The following SLC4A2 variants were observed in gnomAD, a reference collection of about 807,000 sequenced individuals.
SLC4A2 encodes anion exchange protein 2.
A neutral mutation model predicts 115.0 loss-of-function variants in SLC4A2; 36 were observed. The ratio of observed to expected loss-of-function variants is 0.31; its 90% CI spans 0.24 to 0.41. SLC4A2 has a LOEUF of 0.41. Among genes scored for constraint, SLC4A2 ranks in the 10% least tolerant of loss-of-function variants. The probability of loss-of-function intolerance (pLI) is 1.00; values close to 1 mark genes in which losing one functional copy is unlikely to be tolerated. For missense variants in SLC4A2, 1,252 were observed against 1,705.6 expected, an observed-to-expected ratio of 0.73 and a Z score of 4.68; for synonymous variants, 708 against 708.3, an observed-to-expected ratio of 1.00 and a Z score of 0.01.
intron 2 of SLC4A2, chr7:151,062,765 G>C (rs1797095450): frequency 7.3e-7 from 1 of 1,377,962 alleles, no homozygotes; most frequent in Non-Finnish European, 9.4e-7. Context: ...AGTGGGGCTG[G>C]GCGCTTAGGG....
At chr7:151,063,083 T>G in intron 2 of SLC4A2, 1 of 1,515,740 alleles carries the variant, frequency 6.6e-7, no homozygotes, top group East Asian at 2.6e-5. Flanking sequence ...GGACCAAGGC[T>G]GCCTGGCCAG....
intron 1 of SLC4A2, chr7:151,061,112 G>T (rs1023155995): frequency 5.3e-5 from 8 of 152,142 alleles, no homozygotes; most frequent in African/African-American, 1.9e-4. Flanking sequence ...AGATTTTCCT[G>T]GCTCCAGGCT....
Position 151,071,780 on chromosome 7 carries a change from C to T in SLC4A2, c.2283C>T (p.Pro761=), listed in dbSNP as rs1797449654. 1.9e-6 allele frequency: 3 copies of T among 1,611,996 alleles called. No individual in the cohort carries two copies. The highest frequency in any genetic ancestry group is 2.7e-5 in the African/African-American group (2 of 74,718). Residue 761 remains proline, a synonymous_variant, in exon 15 of 23, where the codon CCC becomes CCT. Transcript: ENST00000413384. This position sits in a 1 kb window ranked among gnomAD's most constrained non-coding sequence, Gnocchi z 5.5. The part of the protein sequence containing the change: ...GVVFCLLGAQ[P]LLVIGFSGPL... The stretch of plus-strand genomic sequence containing the variant: ...TCTTCTGCCTGCTGGGTGCCCAGCC[C>T]CTGTTGGTGATCGGCTTCTCAGGGC...
rs778711071 is a variant in SLC4A2, at chr7:151,071,853, G to C, written c.2340+16G>C. ...CTTCTTCTCGGTGAGGGCTCTTCTC[G>C]CCCATCTCCAGCCGCCCCTCCCGTG... On this transcript the variant is annotated intron_variant, in intron 15 of 22. Transcript: ENST00000413384. The surrounding 1 kb of genome is among the most constrained non-coding windows in gnomAD (Gnocchi z 5.5). 1 of 1,600,190 alleles carries C rather than the reference G, an allele frequency of 6.2e-7. No homozygotes were observed. Among genetic ancestry groups the C allele is most frequent in the African/African-American group, 1.3e-5 (1 of 74,120 alleles).
Position 151,062,876 on chromosome 7 carries a change from C to G in SLC4A2, c.51+838C>G, listed in dbSNP as rs137879649. 5.5e-5 allele frequency: 76 copies of G among 1,390,324 alleles called. No homozygotes were observed. The African/African-American group carries it at 8.9e-4, about 16-fold the overall frequency. 86.1% of individuals were successfully genotyped at this position (1,390,324 alleles called of 1,614,324 possible). ...CGGTGTTCTGCCAGTCCCAGCTGCTCCAGTCCCCACCTCGCCCCTAAGACC... is the reference window on the plus strand; with the variant it reads ...CGGTGTTCTGCCAGTCCCAGCTGCTGCAGTCCCCACCTCGCCCCTAAGACC... On this transcript the variant is annotated intron_variant, in intron 2 of 22. Coordinates refer to ENST00000413384, the MANE Select transcript of SLC4A2 (RefSeq NM_003040.4).
At chr7:151,073,167 G>A (rs188128778) in intron 16 of SLC4A2, among the ~76,000 whole-genome samples, 103 of 152,206 alleles carry the variant, frequency 6.8e-4, no homozygotes, top group East Asian at 5.2e-3. Context: ...GGCTTGTCTG[G>A]AACTCTCCTG....
chr7:151,070,953 A>G, intron 12 of SLC4A2, 42 bp downstream of exon 12: 1 of 1,603,468 alleles, frequency 6.2e-7, no homozygotes, highest in Non-Finnish European at 8.5e-7. Context: ...CCTGGAGCCC[A>G]TCCTAGGCCA....
At chr7:151,063,200 TG>T in intron 2 of SLC4A2, 1 of 78,132 alleles carries the variant, frequency 1.3e-5, no homozygotes, top group Non-Finnish European at 1.9e-5. Flanking sequence ...GTGGGGGCTG[TG>T]GGGGTGGGGT....
Position 151,071,522 on chromosome 7 carries a change from C to T in SLC4A2, c.2108C>T (p.Ala703Val). The T allele has an allele frequency of 6.2e-7, 1 of 1,613,952 alleles. No homozygotes were observed. Among genetic ancestry groups the T allele is most frequent in the Non-Finnish European group, 8.5e-7 (1 of 1,179,996 alleles). ...CACTACCTGAGTGACTTCCGAGATG[C>T]ACTTGACCCTCAGTGCCTGGCCGCA... is the stretch of plus-strand genomic sequence containing the variant. ...YPHYLSDFRD[A>V]LDPQCLAAVI... Residue 703 changes from alanine (A) to valine (V), a missense_variant, in exon 14 of 23, where the codon GCA becomes GTA. Around this residue, in one of 14 missense-constraint regions of SLC4A2, gnomAD observed 122 missense variants for 116.8 expected, o/e 1.04. Transcript: ENST00000413384. The surrounding 1 kb of genome is among the most constrained non-coding windows in gnomAD (Gnocchi z 5.5).
intron 2 of SLC4A2, chr7:151,063,177 C>A: frequency 2.3e-5 from 31 of 1,354,762 alleles, no homozygotes; most frequent in Non-Finnish European, 2.8e-5. Context: ...TCCGCGCCCG[C>A]AGGATGACTC....
At chr7:151,061,575 T>A in intron 1 of SLC4A2, 1 of 190,690 alleles carries the variant, frequency 5.2e-6, no homozygotes, top group South Asian at 1.2e-4. Context: ...TTCACTCCCC[T>A]CTTTCCCCAG....
At position 151,070,000 on chromosome 7, in the gene SLC4A2, G is replaced by A. The variant is rs1179371413; in HGVS notation, c.1201G>A (p.Val401Met). The A allele has an allele frequency of 2.5e-6, 4 of 1,613,920 alleles. No homozygotes were observed. In the African/African-American group the frequency reaches 4.0e-5, roughly 16 times the overall value. The change falls in exon 9 of 23, where the codon GTG becomes ATG. Residue 401 changes from valine (V) to methionine (M), a missense_variant. By Grantham distance (21) the Val-to-Met change is conservative. This residue lies in a region of SLC4A2 where 142 missense variants were observed against 153.5 expected (regional missense o/e 0.93). Coordinates refer to ENST00000413384, the MANE Select transcript of SLC4A2 (RefSeq NM_003040.4). Reference sequence around the variant, plus strand: ...GACCCTGCCCGGAGTGGCCCACCAGGTGGTGGAGCAGATGGTCATCTCTGA... The same window carrying A: ...GACCCTGCCCGGAGTGGCCCACCAGATGGTGGAGCAGATGGTCATCTCTGA... ...QQTLPGVAHQVVEQMVISDQI... is the reference protein window; with the variant it reads ...QQTLPGVAHQMVEQMVISDQI...
At chr7:151,067,756 C>T in intron 7 of SLC4A2, 118 bp from the exon 8 acceptor site, 1 of 765,836 alleles carries the variant, frequency 1.3e-6, no homozygotes, top group African/African-American at 1.8e-5. Context: ...GTGCACCACC[C>T]ACTGTGCTCG....
Position 151,075,591 on chromosome 7 carries a change from C to T in SLC4A2, c.3302-15C>T, listed in dbSNP as rs755788051. On this transcript the variant is annotated splice_polypyrimidine_tract_variant and intron_variant, in intron 20 of 22. Coordinates refer to ENST00000413384, the MANE Select transcript of SLC4A2 (RefSeq NM_003040.4). ...GGGACCCCGGGGCCAACTCTTTCTC[C>T]TGCGCCTCCCGTAGGCCTCTCCATA... The T allele has an allele frequency of 2.5e-6, 4 of 1,586,524 alleles. No homozygotes were observed. The highest frequency in any genetic ancestry group is 1.1e-5 in the South Asian group (1 of 90,446).
chr7:151,065,056 A>T, intron 5 of SLC4A2, 90 bp downstream of exon 5: 1 of 944,378 alleles, frequency 1.1e-6, no homozygotes, highest in Non-Finnish European at 1.7e-6. Flanking sequence ...GAGCCTTGGA[A>T]TCACCAGGCC....
upstream of SLC4A2, chr7:151,058,666 T>C (rs1471688988): frequency 6.6e-6 from 1 of 152,216 alleles, no homozygotes; most frequent in African/African-American, 2.4e-5. Flanking sequence ...CAGACCCCAG[T>C]CTCCGGAACA....
chr7:151,069,459 G>A (rs1033955790), intron 8 of SLC4A2, among the ~76,000 whole-genome samples: 21 of 152,332 alleles, frequency 1.4e-4, no homozygotes, highest in Middle Eastern at 6.8e-3. Flanking sequence ...AGCTTGGGGC[G>A]GAGGGGGGTC....
intron 2 of SLC4A2, among the ~76,000 whole-genome samples, chr7:151,063,396 C>T (rs34299066): frequency 4.3e-4 from 66 of 152,338 alleles, no homozygotes; most frequent in Admixed American, 9.8e-4. Flanking sequence ...CAGCAGTTGT[C>T]CTCAGGCCAA....
At chr7:151,070,988 C>A (rs1797416320) in intron 12 of SLC4A2, 77 bp downstream of exon 12, 1 of 1,589,708 alleles carries the variant, frequency 6.3e-7, no homozygotes, top group Non-Finnish European at 8.6e-7. Flanking sequence ...GACTGCCTCC[C>A]ACCCACTGGC....
Sources: allele counts gnomAD v4.1 joint callset (sites outside exome capture counted in the v4.1 genomes callset), GRCh38; gene constraint gnomAD v4.1.1; regional missense constraint gnomAD v4.1.1; non-coding constraint Gnocchi (gnomAD v3.1); transcripts MANE v1.5; gene names NCBI Gene and HGNC (gene_info 2026-07-23, HGNC 2026-07-21).